TET1: variants seen among roughly 807,000 people sequenced by gnomAD.
TET1 encodes the protein methylcytosine dioxygenase TET1.
A neutral mutation model predicts 148.7 loss-of-function variants in TET1; 13 were observed. The ratio of observed to expected loss-of-function variants is 0.09; its 90% confidence interval spans 0.06 to 0.14. The LOEUF (loss-of-function observed/expected upper bound fraction) is 0.14. TET1 is among the 10% of genes least tolerant of loss of function. TET1 has a pLI of 1.00. For synonymous variants in TET1, 907 were observed against 937.2 expected, an observed-to-expected ratio of 0.97 and a Z score of 0.59; for missense variants, 2,182 against 2,553.8, an observed-to-expected ratio of 0.85 and a Z score of 3.14.
At chr10:68,657,443 G>T (rs1229488040) in intron 6 of TET1, among the ~76,000 whole-genome samples, 1 of 152,054 alleles carries the variant, frequency 6.6e-6, no homozygotes, top group African/African-American at 2.4e-5. Flanking sequence ...CCCAAAGTGC[G>T]GGGATTACAG....
At chr10:68,615,356 C>CTTTTCTTTTCTT (rs138957422) in intron 3 of TET1, among the ~76,000 whole-genome samples, 1 of 145,280 alleles carries the variant, frequency 6.9e-6, no homozygotes, top group African/African-American at 2.5e-5. Context: ...CTTTTCTTTT[C>CTTTTCTTTTCTT]TTTTTTTGAG....
At chr10:68,662,482 T>C (rs913048898) in intron 6 of TET1, among the ~76,000 whole-genome samples, 1 of 144,832 alleles carries the variant, frequency 6.9e-6, no homozygotes, top group Non-Finnish European at 1.5e-5. Flanking sequence ...TACGTATTAT[T>C]AATTTTTATT....
In TET1 at chr10:68,656,216, C is replaced by T. The variant is rs184161542; in HGVS notation, c.4461+3622C>T. Among the ~76,000 whole-genome samples, 13 of 152,270 alleles carry T rather than the reference C, an allele frequency of 8.5e-5. No individual in the cohort carries two copies. In the East Asian group the frequency reaches 1.7e-3, roughly 20 times the overall value. Reference sequence around the variant, plus strand: ...GAAATAAAGTGCACAATAAATGTAACGTACTCGAATCATCCCAAAACCTCT... The same window carrying T: ...GAAATAAAGTGCACAATAAATGTAATGTACTCGAATCATCCCAAAACCTCT... On this transcript the variant is annotated intron_variant, in intron 6 of 11. Coordinates refer to ENST00000373644, the MANE Select transcript of TET1 (RefSeq NM_030625.3).
chr10:68,618,528 C>T (rs555408441), intron 3 of TET1, among the ~76,000 whole-genome samples: 1 of 152,108 alleles, frequency 6.6e-6, no homozygotes, highest in Non-Finnish European at 1.5e-5. Flanking sequence ...TAGAAGATAA[C>T]CAATTAATCA....
At chr10:68,651,441 ACT>A (rs1340996901) in intron 4 of TET1, among the ~76,000 whole-genome samples, 2 of 151,524 alleles carry the variant, frequency 1.3e-5, no homozygotes, top group South Asian at 2.1e-4. Context: ...ACAGAGCAAG[ACT>A]CTGTCTCAAA....
rs2054840257 is a variant in TET1 at position 68,646,048 on chromosome 10, C to G, written c.3319C>G (p.Leu1107Val). 6.2e-7 allele frequency: 1 copy of G among 1,614,074 alleles called. No individual in the cohort carries two copies. Residue 1107 changes from leucine (L) to valine (V), a missense_variant, in exon 4 of 12, where the codon CTT (leucine) becomes GTT (valine). Coordinates refer to ENST00000373644, the MANE Select transcript of TET1 (RefSeq NM_030625.3). The stretch of plus-strand genomic sequence containing the variant: ...AAAAGTTGAAAGTACACCAACAAGC[C>G]TTGTCACATGTAATGTACAGCAAAA... ...DKKVESTPTS[L>V]VTCNVQQKYN...
At chr10:68,688,480 G>A (rs112562716) in intron 11 of TET1, among the ~76,000 whole-genome samples, 65 of 144,282 alleles carry the variant, frequency 4.5e-4, no homozygotes, top group African/African-American at 1.6e-3. Context: ...TGTCTCCCAG[G>A]CTGGAGTGCA....
chr10:68,681,508 T>TTTTA lies in TET1; in HGVS notation c.4914+31_4914+34dup, dbSNP rs774541338. The TTTTA allele has an allele frequency of 6.5e-7, 1 of 1,535,166 alleles. No individual in the cohort carries two copies. The highest frequency in any genetic ancestry group is 9.0e-7 in the Non-Finnish European group (1 of 1,112,724). ...AATCAGGTATGTATTGGTATGAACT[T>TTTTA]TTTATTTATTTATTAATTTGAGGTG... On this transcript the variant is annotated intron_variant, in intron 9 of 11. Coordinates refer to ENST00000373644, the MANE Select transcript of TET1 (RefSeq NM_030625.3).
Position 68,667,133 on chromosome 10 carries a change from T to C in TET1, c.4550T>C (p.Val1517Ala), listed in dbSNP as rs767712815. The C allele has an allele frequency of 6.2e-7, 1 of 1,614,198 alleles. No homozygotes were observed. Among genetic ancestry groups the C allele is most frequent in the South Asian group, 1.1e-5 (1 of 91,088 alleles). Residue 1517 changes from valine to alanine, a missense_variant, in exon 7 of 12, where the codon GTG becomes GCG. Transcript: ENST00000373644. The stretch of plus-strand genomic sequence containing the variant: ...CACTGTCCAACTGCTGTGATGGTGG[T>C]GCTCATCATGGTGTGGGATGGCATC... Reference protein sequence around the residue: ...GHHCPTAVMVVLIMVWDGIPL... With the variant: ...GHHCPTAVMVALIMVWDGIPL...
rs188250162 is a variant in TET1, at chr10:68,621,053, T to C, written c.1968+20019T>C. The stretch of plus-strand genomic sequence containing the variant: ...CACAAGTCCTTTATCAAATGTATGG[T>C]TTGCAGTTATTTTATTCTGTTAGTT... On this transcript the variant is annotated intron_variant, in intron 3 of 11. Transcript: ENST00000373644. Among the ~76,000 whole-genome samples, 8 of 152,312 alleles carry C rather than the reference T, an allele frequency of 5.3e-5. No homozygotes were observed. The East Asian group carries it at 1.5e-3, about 29-fold the overall frequency.
At chr10:68,664,670 ATTTTTTTTTTT>A (rs398013961) in intron 6 of TET1, among the ~76,000 whole-genome samples, 1 of 99,546 alleles carries the variant, frequency 1.0e-5, no homozygotes. Flanking sequence ...CCCAGCCTGC[ATTTTTTTTTTT>A]TTTTTTTTTT....
chr10:68,667,358 G>A lies in TET1; in HGVS notation c.4673+102G>A, dbSNP rs182639219. ...ACTATGTATATTATATGGGAGAATA[G>A]GATTTGAGTATTGTGGAATTAAAAA... On this transcript the variant is annotated intron_variant, in intron 7 of 11. Transcript: ENST00000373644. The A allele has an allele frequency of 3.1e-6, 3 of 963,552 alleles. No individual in the cohort carries two copies. In the Admixed American group the frequency reaches 8.5e-5, roughly 27 times the overall value. 59.7% of individuals were successfully genotyped at this position (963,552 alleles called of 1,614,324 possible).
chr10:68,640,521 A>G (rs568665989), intron 3 of TET1, among the ~76,000 whole-genome samples: 55 of 103,646 alleles, frequency 5.3e-4, no homozygotes, highest in Middle Eastern at 7.9e-3. Context: ...CTTGGCCTAA[A>G]TATTCTTTTT....
intron 6 of TET1, among the ~76,000 whole-genome samples, chr10:68,657,456 G>A (rs1564496134): frequency 6.6e-6 from 1 of 152,144 alleles, no homozygotes; most frequent in Non-Finnish European, 1.5e-5. Context: ...GATTACAGGC[G>A]TAAGCCACCA....
intron 3 of TET1, among the ~76,000 whole-genome samples, chr10:68,617,871 A>G (rs1357743328): frequency 1.3e-5 from 2 of 151,374 alleles, no homozygotes; most frequent in East Asian, 1.9e-4. Context: ...TAACCCAAAC[A>G]TTTTATCTTG....
chr10:68,678,742 GAGA>G (rs1184047938), intron 8 of TET1, among the ~76,000 whole-genome samples: 6 of 152,090 alleles, frequency 3.9e-5, no homozygotes, highest in Admixed American at 6.6e-5. Context: ...AAAAGAGTGG[GAGA>G]AGGAGTTAAT....
intron 1 of TET1, among the ~76,000 whole-genome samples, chr10:68,561,378 G>A (rs2053551315): frequency 1.3e-5 from 2 of 152,296 alleles, no homozygotes; most frequent in Middle Eastern, 6.8e-3. Flanking sequence ...GTGCAGTCTT[G>A]CTAGGAGTTG....
chr10:68,690,244 A>T (rs1384083079), intron 11 of TET1, among the ~76,000 whole-genome samples: 4 of 152,182 alleles, frequency 2.6e-5, no homozygotes, highest in Non-Finnish European at 4.4e-5. Flanking sequence ...TATTTCAAAC[A>T]ATGAACAGCC....
intron 2 of TET1, among the ~76,000 whole-genome samples, chr10:68,595,941 TATATATATATATATATATATACAC>T (rs1373392083): frequency 5.2e-5 from 2 of 38,230 alleles, no homozygotes; most frequent in African/African-American, 7.6e-5. Context: ...TATATATATA[TATATATATATATATATATATACAC>T]ACACACACAC....
Sources: allele counts gnomAD v4.1 joint callset (sites outside exome capture counted in the v4.1 genomes callset), GRCh38; gene constraint gnomAD v4.1.1; transcripts MANE v1.5; gene names NCBI Gene and HGNC (gene_info 2026-07-23, HGNC 2026-07-21).